Variants in RAPGEF2 observed in about 807,000 individuals in gnomAD.
RAPGEF2 encodes Rap guanine nucleotide exchange factor 2, also known as PDZ domain containing guanine nucleotide exchange factor (GEF) 1.
Under a neutral mutation model 186.7 loss-of-function variants are expected in RAPGEF2, and 54 were observed. The ratio of observed to expected loss-of-function variants is 0.29; its 90% confidence interval spans 0.23 to 0.36. The LOEUF (loss-of-function observed/expected upper bound fraction) is 0.36, where lower values mean the gene tolerates loss of function less well. Ranked by LOEUF, RAPGEF2 falls within the 10% of genes least tolerant of loss-of-function variation. The pLI, the probability that RAPGEF2 is intolerant of heterozygous loss-of-function variation, is 1.00. For synonymous variants in RAPGEF2, 712 were observed against 705.9 expected (o/e 1.01, Z -0.14); for missense variants, 1,532 against 2,045.0 (o/e 0.75, Z 4.84).
intron 8 of RAPGEF2, among the ~76,000 whole-genome samples, chr4:159,311,378 G>A (rs1028264175): frequency 1.3e-5 from 2 of 152,020 alleles, no homozygotes; most frequent in African/African-American, 2.4e-5. Context: ...GGGTTTTTTG[G>A]TCAAATTCCA....
At chr4:159,306,463 T>C (rs1444159907) in intron 8 of RAPGEF2, among the ~76,000 whole-genome samples, 2 of 152,182 alleles carry the variant, frequency 1.3e-5, no homozygotes, top group African/African-American at 2.4e-5. Context: ...TGCTACTGAT[T>C]TGTGCATATT....
chr4:159,350,376 C>T (rs999409388), intron 26 of RAPGEF2, 87 bp downstream of exon 26: 2 of 1,142,780 alleles, frequency 1.8e-6, no homozygotes, highest in African/African-American at 3.2e-5. Context: ...TTACATAATT[C>T]CTAACATTAT....
intron 2 of RAPGEF2, among the ~76,000 whole-genome samples, chr4:159,191,690 G>T (rs543711568): frequency 1.3e-5 from 2 of 152,264 alleles, no homozygotes; most frequent in East Asian, 3.9e-4. Flanking sequence ...AGTGAGCTGA[G>T]ATCGCGCCAT....
At chr4:159,216,151 CCTA>C (rs1250263868) in intron 4 of RAPGEF2, among the ~76,000 whole-genome samples, 1 of 152,172 alleles carries the variant, frequency 6.6e-6, no homozygotes, top group African/African-American at 2.4e-5. Context: ...TGACCACACT[CCTA>C]CTGTGTGGTC....
intron 7 of RAPGEF2, among the ~76,000 whole-genome samples, chr4:159,292,717 A>G (rs1761399832): frequency 6.6e-6 from 1 of 152,320 alleles, no homozygotes; most frequent in South Asian, 2.1e-4. Context: ...CAAACAATCA[A>G]GTAGGTGGCT....
At chr4:159,300,929 C>T (rs12506274) in intron 7 of RAPGEF2, among the ~76,000 whole-genome samples, 29,294 of 152,140 alleles carry the variant, frequency 0.19, 2,987 homozygotes, top group Admixed American at 0.25. Context: ...CTCCTAGAAA[C>T]TCCATTTTTC....
At chr4:159,347,829 A>G (rs1730564028) in intron 25 of RAPGEF2, among the ~76,000 whole-genome samples, 2 of 152,164 alleles carry the variant, frequency 1.3e-5, no homozygotes, top group African/African-American at 4.8e-5. Flanking sequence ...CCTTTGTGGA[A>G]GTGGTACAAC....
At chr4:159,224,232 T>C (rs1192361736) in intron 4 of RAPGEF2, among the ~76,000 whole-genome samples, 1 of 152,154 alleles carries the variant, frequency 6.6e-6, no homozygotes, top group Non-Finnish European at 1.5e-5. Flanking sequence ...CCCTTATGTA[T>C]AGGAAATTTT....
intron 1 of RAPGEF2, among the ~76,000 whole-genome samples, chr4:159,134,354 G>A (rs1259139481): frequency 6.6e-6 from 1 of 152,142 alleles, no homozygotes; most frequent in African/African-American, 2.4e-5. Flanking sequence ...TCATTGTATG[G>A]ATGTACTGAA....
intron 1 of RAPGEF2, among the ~76,000 whole-genome samples, chr4:159,169,430 C>T (rs535087525): frequency 1.3e-5 from 2 of 152,296 alleles, no homozygotes; most frequent in East Asian, 3.9e-4. Context: ...ATTACCTCAA[C>T]TTATTTTTTG....
At chr4:159,349,301 G>T (rs145770818) in intron 25 of RAPGEF2, among the ~76,000 whole-genome samples, 1 of 152,308 alleles carries the variant, frequency 6.6e-6, no homozygotes, top group African/African-American at 2.4e-5. Context: ...TCAGGCTGTA[G>T]TGCCTTCCCA....
At chr4:159,325,136 A>G (rs868198466) in intron 11 of RAPGEF2, among the ~76,000 whole-genome samples, 2 of 152,278 alleles carry the variant, frequency 1.3e-5, no homozygotes, top group Admixed American at 6.5e-5. Flanking sequence ...TATCTATAGA[A>G]TCTAAATAAT....
chr4:159,239,492 A>G (rs1753694705), intron 5 of RAPGEF2, among the ~76,000 whole-genome samples: 1 of 152,168 alleles, frequency 6.6e-6, no homozygotes, highest in East Asian at 1.9e-4. Context: ...CTGGTTAAAC[A>G]CTCTGTTGAC....
At chr4:159,304,883 T>A (rs539155304) in intron 8 of RAPGEF2, among the ~76,000 whole-genome samples, 2 of 152,252 alleles carry the variant, frequency 1.3e-5, no homozygotes, top group African/African-American at 4.8e-5. Context: ...CATTCCACAC[T>A]CTGCATCCAT....
chr4:159,187,522 A>G (rs769342154), intron 2 of RAPGEF2, among the ~76,000 whole-genome samples: 1 of 152,178 alleles, frequency 6.6e-6, no homozygotes, highest in Non-Finnish European at 1.5e-5. Context: ...TTATTTTAGT[A>G]TGTTGTATAT....
chr4:159,162,886 A>AT (rs142884473), intron 1 of RAPGEF2, among the ~76,000 whole-genome samples: 6,205 of 151,546 alleles, frequency 0.041, 433 homozygotes, highest in African/African-American at 0.14. Flanking sequence ...GTTCCTTGTA[A>AT]TTTTTTTTTC....
At chr4:159,196,859 G>A (rs1003356547) in intron 3 of RAPGEF2, among the ~76,000 whole-genome samples, 2 of 152,208 alleles carry the variant, frequency 1.3e-5, no homozygotes, top group Non-Finnish European at 2.9e-5. Context: ...CGCCATTTTA[G>A]ATTGTATTGA....
chr4:159,163,406 C>T (rs1744929484), intron 1 of RAPGEF2, among the ~76,000 whole-genome samples: 1 of 151,746 alleles, frequency 6.6e-6, no homozygotes, highest in South Asian at 2.1e-4. Context: ...AATTACTTTG[C>T]TTTTCTGGGG....
chr4:159,149,085 C>T (rs376858047), intron 1 of RAPGEF2, among the ~76,000 whole-genome samples: 1 of 152,236 alleles, frequency 6.6e-6, no homozygotes, highest in Admixed American at 6.5e-5. Context: ...GACTAAGCCA[C>T]CCTTTTGCAT....
Sources: allele counts gnomAD v4.1 joint callset (sites outside exome capture counted in the v4.1 genomes callset), GRCh38; gene constraint gnomAD v4.1.1; transcripts MANE v1.5; gene names NCBI Gene and HGNC (gene_info 2026-07-23, HGNC 2026-07-21).